The following CDIN1 variants were observed in gnomAD, a reference collection of about 807,000 sequenced individuals.
CDIN1 encodes the protein CDAN1-interacting nuclease 1.
A neutral mutation model predicts 45.3 loss-of-function variants in CDIN1; 33 were observed. The observed-to-expected ratio is 0.73, with a 90% CI of 0.55 to 0.97. CDIN1 has a LOEUF of 0.97. Ranked by LOEUF, CDIN1 falls within the 50% of genes least tolerant of loss-of-function variation. The pLI is 0.00. For synonymous variants in CDIN1, 118 were observed against 124.4 expected, an observed-to-expected ratio of 0.95 and a Z score of 0.34; for missense variants, 303 against 339.4, an observed-to-expected ratio of 0.89 and a Z score of 0.84.
At chr15:36,660,691 C>T (rs1330057939) in intron 5 of CDIN1, among the ~76,000 whole-genome samples, 1 of 152,048 alleles carries the variant, frequency 6.6e-6, no homozygotes, top group Non-Finnish European at 1.5e-5. Flanking sequence ...TGTTATTGCC[C>T]CTGATTAAAT....
chr15:36,589,442 A>G (rs1038452056), intron 1 of CDIN1, among the ~76,000 whole-genome samples: 1 of 152,102 alleles, frequency 6.6e-6, no homozygotes, highest in Non-Finnish European at 1.5e-5. Context: ...TGAGCTGTAT[A>G]TACAGTGAAT....
intron 10 of CDIN1, among the ~76,000 whole-genome samples, chr15:36,721,775 T>C (rs924897684): frequency 6.6e-6 from 1 of 152,042 alleles, no homozygotes; most frequent in Admixed American, 6.6e-5. Flanking sequence ...GGAATTTCTC[T>C]CTCTCTCTCT....
intron 1 of CDIN1, among the ~76,000 whole-genome samples, chr15:36,604,971 G>A (rs1431933596): frequency 6.6e-6 from 1 of 152,106 alleles, no homozygotes; most frequent in African/African-American, 2.4e-5. Context: ...CTTGTCCTCT[G>A]TGCTTCTCTT....
chr15:36,636,860 A>C (rs1039047683), intron 1 of CDIN1, among the ~76,000 whole-genome samples: 1 of 152,258 alleles, frequency 6.6e-6, no homozygotes, highest in African/African-American at 2.4e-5. Flanking sequence ...TAGAGTGATT[A>C]TTAAAAGAAT....
intron 10 of CDIN1, 68 bp from the exon 11 acceptor site, chr15:36,808,256 C>G: frequency 6.3e-7 from 1 of 1,583,608 alleles, no homozygotes; most frequent in Non-Finnish European, 8.6e-7. Flanking sequence ...TATCAGTGCC[C>G]CAAGGTGACT....
intron 1 of CDIN1, among the ~76,000 whole-genome samples, chr15:36,620,044 G>C (rs1215459445): frequency 2.0e-5 from 3 of 151,992 alleles, no homozygotes; most frequent in African/African-American, 4.8e-5. Flanking sequence ...GAAAGAATGG[G>C]GTTTCTTAAA....
At chr15:36,762,780 G>A (rs1017538619) in intron 10 of CDIN1, among the ~76,000 whole-genome samples, 31 of 152,082 alleles carry the variant, frequency 2.0e-4, no homozygotes, top group African/African-American at 7.0e-4. Flanking sequence ...GCTGAGAATG[G>A]TGGTTTCCAG....
At chr15:36,582,277 A>G (rs1227543932) in intron 1 of CDIN1, among the ~76,000 whole-genome samples, 2 of 152,234 alleles carry the variant, frequency 1.3e-5, no homozygotes, top group East Asian at 3.8e-4. Flanking sequence ...AAACAGTCAT[A>G]CAAGTGCTTT....
At position 36,689,625 on chromosome 15, in the gene CDIN1, C is replaced by T. The variant is rs112915380; in HGVS notation, c.347-2060C>T. 6.1e-3 allele frequency among the ~76,000 whole-genome samples: 930 copies of T among 152,268 alleles called. 7 individuals carry two copies. The highest frequency in any genetic ancestry group is 0.021 in the African/African-American group (871 of 41,548). On this transcript the variant is annotated intron_variant, in intron 5 of 10. Transcript: ENST00000566621. ...AGGTATGGACAACTGCTTTGGTCCC[C>T]TCTGACTGGCCAGGCCTTAGAATTA...
chr15:36,694,618 C>T (rs184724591), intron 7 of CDIN1, among the ~76,000 whole-genome samples: 2 of 152,140 alleles, frequency 1.3e-5, no homozygotes, highest in East Asian at 3.9e-4. Flanking sequence ...TGCAGCCATG[C>T]CCACCTACAC....
chr15:36,767,215 TCTGAATCTTGGGAAAGTTTCCTTC>T (rs1281287447), intron 10 of CDIN1, among the ~76,000 whole-genome samples: 3 of 152,170 alleles, frequency 2.0e-5, no homozygotes, highest in Non-Finnish European at 4.4e-5. Flanking sequence ...CAGAGTTGAC[TCTGAATCTTGGGAAAGTTTCCTTC>T]CAAATGTGTT....
chr15:36,644,346 A>T, intron 2 of CDIN1, 23 bp downstream of exon 2: 1 of 1,604,700 alleles, frequency 6.2e-7, no homozygotes, highest in African/African-American at 1.3e-5. Flanking sequence ...CTCCTTTGTG[A>T]GGGTTGACAG....
At chr15:36,679,708 A>G (rs1379718667) in intron 5 of CDIN1, among the ~76,000 whole-genome samples, 1 of 152,198 alleles carries the variant, frequency 6.6e-6, no homozygotes, top group African/African-American at 2.4e-5. Context: ...AAACTTATGC[A>G]TCATTATCTG....
intron 8 of CDIN1, chr15:36,706,131 C>G (rs1388155821): frequency 6.6e-6 from 1 of 151,976 alleles, no homozygotes. Context: ...TTATAAGAGC[C>G]TGTATGAAAT....
At chr15:36,769,152 A>G (rs545358382) in intron 10 of CDIN1, among the ~76,000 whole-genome samples, 5 of 152,308 alleles carry the variant, frequency 3.3e-5, no homozygotes, top group African/African-American at 1.2e-4. Flanking sequence ...AGCGCATTAC[A>G]TTTATTACCC....
At chr15:36,730,419 AC>A (rs2043795370) in intron 10 of CDIN1, among the ~76,000 whole-genome samples, 1 of 152,124 alleles carries the variant, frequency 6.6e-6, no homozygotes, top group Non-Finnish European at 1.5e-5. Flanking sequence ...TTAACAAGTA[AC>A]TTTTAACAGA....
chr15:36,582,685 G>A (rs1230006850), intron 1 of CDIN1, among the ~76,000 whole-genome samples: 3 of 152,192 alleles, frequency 2.0e-5, no homozygotes, highest in African/African-American at 7.2e-5. Flanking sequence ...GCCACACTTA[G>A]ACAATCACTA....
At chr15:36,763,080 A>C (rs1566957294) in intron 10 of CDIN1, among the ~76,000 whole-genome samples, 1 of 152,234 alleles carries the variant, frequency 6.6e-6, no homozygotes, top group Non-Finnish European at 1.5e-5. Context: ...TGACTTCCAC[A>C]ATGGTTGAAC....
intron 1 of CDIN1, among the ~76,000 whole-genome samples, chr15:36,609,374 G>C (rs548098894): frequency 6.6e-6 from 1 of 152,176 alleles, no homozygotes; most frequent in Admixed American, 6.5e-5. Context: ...TGTTAGTAAA[G>C]TGCTAAAAAT....
Sources: gnomAD v4.1 joint callset for allele counts (sites outside exome capture counted in the v4.1 genomes callset) on GRCh38, gnomAD v4.1.1 for gene constraint, MANE v1.5 for transcripts, NCBI Gene and HGNC (gene_info 2026-07-23, HGNC 2026-07-21) for gene names.